Variants in SLC35F3 observed in about 807,000 individuals in gnomAD.
SLC35F3 encodes putative thiamine transporter SLC35F3.
In SLC35F3, 25 loss-of-function variants were observed where a neutral mutation model predicts 49.9. That is an observed-to-expected ratio of 0.50 (90% CI 0.37 to 0.70). The LOEUF is 0.70. Ranked by LOEUF, SLC35F3 falls within the 30% of genes least tolerant of loss-of-function variation. The pLI is 0.00. For synonymous variants in SLC35F3, 275 were observed against 265.4 expected, an observed-to-expected ratio of 1.04 and a Z score of -0.35; for missense variants, 525 against 639.8, an observed-to-expected ratio of 0.82 and a Z score of 1.94.
intron 3 of SLC35F3, among the ~76,000 whole-genome samples, chr1:234,261,262 G>A (rs112644391): frequency 5.7e-4 from 87 of 152,254 alleles, no homozygotes; most frequent in African/African-American, 2.0e-3. Flanking sequence ...ATAAAAGAAC[G>A]GCCACTCCAT....
intron 2 of SLC35F3, among the ~76,000 whole-genome samples, chr1:234,184,139 A>T (rs879311991): frequency 3.9e-4 from 56 of 145,438 alleles, no homozygotes; most frequent in African/African-American, 1.2e-3. Flanking sequence ...CAGTTTTTTT[A>T]AAAAAAAAAA....
chr1:234,011,272 C>T (rs1663716836), intron 2 of SLC35F3, among the ~76,000 whole-genome samples: 1 of 152,054 alleles, frequency 6.6e-6, no homozygotes, highest in Non-Finnish European at 1.5e-5. Flanking sequence ...GCAAAAATTA[C>T]AAGGAATGCC....
chr1:234,289,831 G>T (rs1668479478), intron 3 of SLC35F3, among the ~76,000 whole-genome samples: 1 of 152,140 alleles, frequency 6.6e-6, no homozygotes, highest in Non-Finnish European at 1.5e-5. Context: ...TGATCCCAAA[G>T]TCAAAACTTA....
chr1:234,304,344 G>A (rs1668744938), intron 3 of SLC35F3, among the ~76,000 whole-genome samples: 1 of 151,894 alleles, frequency 6.6e-6, no homozygotes, highest in Admixed American at 6.6e-5. Flanking sequence ...TATTTTTTTA[G>A]TAGAGGCAGG....
chr1:234,099,646 A>G (rs1203493678), intron 2 of SLC35F3, among the ~76,000 whole-genome samples: 3 of 151,472 alleles, frequency 2.0e-5, no homozygotes, highest in African/African-American at 7.3e-5. Flanking sequence ...AGATTTTACC[A>G]ACATGTACTG....
At chr1:234,281,910 G>A (rs1177777050) in intron 3 of SLC35F3, among the ~76,000 whole-genome samples, 2 of 152,178 alleles carry the variant, frequency 1.3e-5, no homozygotes, top group Non-Finnish European at 2.9e-5. Flanking sequence ...TCAAATCACT[G>A]TCAGAGCTGC....
rs2102897023 is a variant in SLC35F3, at chr1:234,128,619, T to C, written c.284-102798T>C. The stretch of plus-strand genomic sequence containing the variant: ...AGGGAAATGCATGAAGAGGGGATGA[T>C]AGTTTGAGATCAAGTAAGAAAGGGC... On this transcript the variant is annotated intron_variant, in intron 2 of 7. Transcript: ENST00000366618. 2.0e-5 allele frequency among the ~76,000 whole-genome samples: 3 copies of C among 152,168 alleles called. No individual in the cohort carries two copies. The Middle Eastern group carries it at 0.01, about 518-fold the overall frequency.
chr1:234,318,256 T>C (rs1657536336), intron 5 of SLC35F3, among the ~76,000 whole-genome samples: 1 of 152,212 alleles, frequency 6.6e-6, no homozygotes, highest in South Asian at 2.1e-4. Context: ...GTTTGGTGCA[T>C]TCCACTAAAA....
At chr1:234,006,952 T>G (rs1338328837) in intron 2 of SLC35F3, among the ~76,000 whole-genome samples, 1 of 152,162 alleles carries the variant, frequency 6.6e-6, no homozygotes, top group Non-Finnish European at 1.5e-5. Flanking sequence ...GCAAATATCT[T>G]GTAAAGGAAC....
chr1:234,272,021 C>T (rs113867524), intron 3 of SLC35F3, among the ~76,000 whole-genome samples: 8,709 of 152,176 alleles, frequency 0.057, 289 homozygotes, highest in African/African-American at 0.087. Flanking sequence ...AGCTACTTGA[C>T]AGGCTGAGGC....
At chr1:234,064,250 A>G (rs1411256369) in intron 2 of SLC35F3, among the ~76,000 whole-genome samples, 1 of 152,104 alleles carries the variant, frequency 6.6e-6, no homozygotes, top group Non-Finnish European at 1.5e-5. Flanking sequence ...TTTTCCAGCT[A>G]TGTGTCTTGC....
At chr1:233,924,253 G>A (rs549469704) in intron 2 of SLC35F3, among the ~76,000 whole-genome samples, 4 of 152,228 alleles carry the variant, frequency 2.6e-5, no homozygotes, top group African/African-American at 9.6e-5. Flanking sequence ...GGTAGAATTC[G>A]GCTGTGAATC....
chr1:234,221,205 G>A (rs1041836347), intron 2 of SLC35F3, among the ~76,000 whole-genome samples: 1 of 152,098 alleles, frequency 6.6e-6, no homozygotes, highest in Non-Finnish European at 1.5e-5. Context: ...GTGGGTGGGG[G>A]CATTACTGGA....
chr1:234,239,523 C>T (rs1480991324), intron 3 of SLC35F3, among the ~76,000 whole-genome samples: 1 of 152,184 alleles, frequency 6.6e-6, no homozygotes, highest in African/African-American at 2.4e-5. Flanking sequence ...CAAAAAAGGA[C>T]TTTGAGGATT....
At chr1:234,008,896 G>C (rs1439983018) in intron 2 of SLC35F3, among the ~76,000 whole-genome samples, 2 of 152,168 alleles carry the variant, frequency 1.3e-5, no homozygotes, top group African/African-American at 4.8e-5. Flanking sequence ...GGACAAGATG[G>C]ACTTCATTCA....
intron 2 of SLC35F3, among the ~76,000 whole-genome samples, chr1:233,995,172 C>T (rs915614718): frequency 6.6e-6 from 1 of 152,206 alleles, no homozygotes; most frequent in East Asian, 1.9e-4. Context: ...GGGATTAAAA[C>T]TAGTCTAGAA....
intron 3 of SLC35F3, among the ~76,000 whole-genome samples, chr1:234,265,598 C>T (rs1667967113): frequency 6.6e-6 from 1 of 152,126 alleles, no homozygotes; most frequent in Non-Finnish European, 1.5e-5. Flanking sequence ...ACCATGTCCC[C>T]CCAAGACGAA....
At chr1:234,128,726 G>A (rs2067795) in intron 2 of SLC35F3, among the ~76,000 whole-genome samples, 13,836 of 152,196 alleles carry the variant, frequency 0.091, 1,120 homozygotes, top group African/African-American at 0.22. Flanking sequence ...GTAGTTCCTT[G>A]GTGCTATGAT....
intron 2 of SLC35F3, among the ~76,000 whole-genome samples, chr1:234,220,362 A>T (rs116182102): frequency 2.0e-5 from 3 of 151,954 alleles, no homozygotes; most frequent in Non-Finnish European, 4.4e-5. Context: ...ATAGCGAAAA[A>T]TTTTTTAAAC....
Sources: gnomAD v4.1 joint callset for allele counts (sites outside exome capture counted in the v4.1 genomes callset) on GRCh38, gnomAD v4.1.1 for gene constraint, MANE v1.5 for transcripts, NCBI Gene and HGNC (gene_info 2026-07-23, HGNC 2026-07-21) for gene names.